KCNIP1: variants seen among roughly 807,000 people sequenced by gnomAD.
The protein encoded by KCNIP1 is A-type potassium channel modulatory protein KCNIP1.
Under a neutral mutation model 33.0 loss-of-function variants are expected in KCNIP1, and 18 were observed. The ratio of observed to expected loss-of-function variants is 0.55; its 90% CI spans 0.38 to 0.81. The LOEUF (loss-of-function observed/expected upper bound fraction) is 0.81. Ranked by LOEUF, KCNIP1 falls within the 30% of genes least tolerant of loss-of-function variation. The pLI is 0.00. For synonymous variants in KCNIP1, 93 were observed against 98.3 expected (o/e 0.95, Z 0.32); for missense variants, 238 against 271.6 (o/e 0.88, Z 0.87).
chr5:170,669,048 A>G (rs1467457175), intron 1 of KCNIP1, among the ~76,000 whole-genome samples: 1 of 152,090 alleles, frequency 6.6e-6, no homozygotes, highest in East Asian at 1.9e-4. Context: ...TCTCTTTCTC[A>G]TCACAGTCTT....
intron 1 of KCNIP1, among the ~76,000 whole-genome samples, chr5:170,620,265 C>G (rs753790668): frequency 6.6e-6 from 1 of 152,158 alleles, no homozygotes; most frequent in African/African-American, 2.4e-5. Flanking sequence ...GGAATCATCC[C>G]ACTCCCAGCT....
At chr5:170,653,369 TCTC>T (rs1761129255) in intron 1 of KCNIP1, among the ~76,000 whole-genome samples, 1 of 152,060 alleles carries the variant, frequency 6.6e-6, no homozygotes, top group African/African-American at 2.4e-5. Flanking sequence ...GAACATATCT[TCTC>T]CTTTGCTTCC....
At chr5:170,541,757 T>C (rs574006524) in intron 1 of KCNIP1, among the ~76,000 whole-genome samples, 3 of 152,052 alleles carry the variant, frequency 2.0e-5, no homozygotes, top group African/African-American at 7.2e-5. Flanking sequence ...ACCCAGGTTC[T>C]GCCATGTACA....
chr5:170,520,251 G>A (rs1755312857), intron 1 of KCNIP1, among the ~76,000 whole-genome samples: 2 of 152,180 alleles, frequency 1.3e-5, no homozygotes, highest in Non-Finnish European at 2.9e-5. Flanking sequence ...CAAGAAAACT[G>A]AAGCTCAGAG....
At chr5:170,687,644 A>C (rs1478370176) in intron 1 of KCNIP1, among the ~76,000 whole-genome samples, 1 of 152,136 alleles carries the variant, frequency 6.6e-6, no homozygotes, top group Non-Finnish European at 1.5e-5. Context: ...CCTCCTGAGG[A>C]AGTTTGCTTT....
At chr5:170,509,582 G>A (rs4867973) in intron 1 of KCNIP1, among the ~76,000 whole-genome samples, 11,398 of 152,274 alleles carry the variant, frequency 0.075, 481 homozygotes, top group Middle Eastern at 0.19. Flanking sequence ...GGGGGAAGCA[G>A]TAAAGGAGTG....
chr5:170,647,385 CCATGATAATAAAGA>C (rs1221956488), intron 1 of KCNIP1, among the ~76,000 whole-genome samples: 4 of 151,960 alleles, frequency 2.6e-5, no homozygotes, highest in Admixed American at 6.6e-5. Flanking sequence ...AACTCTAAAG[CCATGATAATAAAGA>C]CACTGTGGTA....
chr5:170,444,246 G>T (rs565281430), intron 1 of KCNIP1, among the ~76,000 whole-genome samples: 1 of 152,216 alleles, frequency 6.6e-6, no homozygotes, highest in South Asian at 2.1e-4. Flanking sequence ...GGGGTCCTGG[G>T]GGAAGCCTGT....
At chr5:170,635,290 A>G (rs904786813) in intron 1 of KCNIP1, among the ~76,000 whole-genome samples, 1 of 152,202 alleles carries the variant, frequency 6.6e-6, no homozygotes, top group South Asian at 2.1e-4. Context: ...TCGGCCTCCC[A>G]AAGTGTTGAG....
intron 1 of KCNIP1, among the ~76,000 whole-genome samples, chr5:170,490,392 G>C (rs1412290822): frequency 6.6e-6 from 1 of 152,198 alleles, no homozygotes; most frequent in Non-Finnish European, 1.5e-5. Context: ...AGCCCCCCGT[G>C]GTGATGAAAC....
intron 1 of KCNIP1, among the ~76,000 whole-genome samples, chr5:170,508,636 T>C (rs1754806565): frequency 6.6e-6 from 1 of 152,186 alleles, no homozygotes; most frequent in Non-Finnish European, 1.5e-5. Context: ...TGTATAGAAA[T>C]GTTTGTGCTT....
chr5:170,733,559 C>T (rs1045842544), intron 6 of KCNIP1, among the ~76,000 whole-genome samples: 4 of 152,160 alleles, frequency 2.6e-5, no homozygotes, highest in African/African-American at 9.7e-5. Context: ...AGGGAGTCTA[C>T]AGAAGAAGCA....
chr5:170,358,458 C>T (rs924671427), intron 1 of KCNIP1, among the ~76,000 whole-genome samples: 3 of 152,186 alleles, frequency 2.0e-5, no homozygotes, highest in African/African-American at 7.2e-5. Flanking sequence ...AGAGACTGAC[C>T]TTGGACCCGG....
At chr5:170,589,978 C>G (rs1758182059) in intron 1 of KCNIP1, among the ~76,000 whole-genome samples, 3 of 152,154 alleles carry the variant, frequency 2.0e-5, no homozygotes, top group Admixed American at 2.0e-4. Flanking sequence ...CCTAGTGTTC[C>G]TTTCCCCCTC....
chr5:170,481,068 T>C (rs1756967435), intron 1 of KCNIP1, among the ~76,000 whole-genome samples: 2 of 152,326 alleles, frequency 1.3e-5, no homozygotes, highest in South Asian at 2.1e-4. Flanking sequence ...ATAGCTTCAT[T>C]AGGAACTTAC....
chr5:170,663,917 T>C (rs1761596104), intron 1 of KCNIP1, among the ~76,000 whole-genome samples: 1 of 85,784 alleles, frequency 1.2e-5, no homozygotes, highest in Non-Finnish European at 2.2e-5. Flanking sequence ...ATCCTTTCTA[T>C]ACTCTCCTCA....
chr5:170,504,622 G>C lies in KCNIP1; in HGVS notation c.50G>C (p.Arg17Pro). The C allele has an allele frequency of 1.2e-6, 2 of 1,613,738 alleles. No homozygotes were observed. Among genetic ancestry groups the C allele is most frequent in the South Asian group, 2.2e-5 (2 of 91,072 alleles). The change falls in exon 1 of 8, where the codon CGA (arginine) becomes CCA (proline). Residue 17 changes from arginine to proline, a missense_variant. Transcript: ENST00000328939. The surrounding 1 kb of genome is among the most constrained non-coding windows in gnomAD (Gnocchi z 6.0). ...TCATCTCTGCAAACCAAACAAAGGC[G>C]ACCCTCGAAAGGTAAGCCACCTTCT... is the stretch of plus-strand genomic sequence containing the variant. The part of the protein sequence containing the change: ...TFSSLQTKQR[R>P]PSKDKIEDEL...
intron 1 of KCNIP1, among the ~76,000 whole-genome samples, chr5:170,423,072 C>A (rs371790666): frequency 7.2e-5 from 11 of 152,156 alleles, no homozygotes; most frequent in African/African-American, 2.7e-4. Context: ...GACGACAGAG[C>A]ACAACCCTGT....
At chr5:170,599,758 T>C (rs572414288) in intron 1 of KCNIP1, among the ~76,000 whole-genome samples, 10 of 152,334 alleles carry the variant, frequency 6.6e-5, no homozygotes, top group African/African-American at 2.4e-5. Flanking sequence ...GAGTTTCACC[T>C]GCATATCCTC....
Sources: gnomAD v4.1 joint callset for allele counts (sites outside exome capture counted in the v4.1 genomes callset) on GRCh38, gnomAD v4.1.1 for gene constraint, Gnocchi (gnomAD v3.1) non-coding constraint, MANE v1.5 for transcripts, NCBI Gene and HGNC (gene_info 2026-07-23, HGNC 2026-07-21) for gene names.